The following GUCY1A2 variants were observed in gnomAD, a reference collection of about 807,000 sequenced individuals.
GUCY1A2 encodes guanylate cyclase 1 soluble subunit alpha 2.
GUCY1A2 carries 27 observed loss-of-function variants against 63.5 expected under a neutral mutation model. The ratio of observed to expected loss-of-function variants is 0.43; its 90% confidence interval spans 0.31 to 0.59. The LOEUF is 0.59. Ranked by LOEUF, GUCY1A2 falls within the 20% of genes least tolerant of loss-of-function variation. The pLI, the probability that GUCY1A2 is intolerant of heterozygous loss-of-function variation, is 0.11. For synonymous variants in GUCY1A2, 364 were observed against 343.5 expected (o/e 1.06, Z -0.66); for missense variants, 768 against 913.3 (o/e 0.84, Z 2.05).
Position 106,727,027 on chromosome 11 carries a change from AAG to A in GUCY1A2, c.1837-18363_1837-18362del, listed in dbSNP as rs577896604. On this transcript the variant is annotated intron_variant, in intron 6 of 7. Transcript: ENST00000526355. Reference sequence around the variant, plus strand: ...AAAACCGAGGACCTGAAGCCAAGTGAAGAGTGTGAAATTTTAGAGCCAACAGG... The same window carrying A: ...AAAACCGAGGACCTGAAGCCAAGTGAAGTGTGAAATTTTAGAGCCAACAGG... Among the ~76,000 whole-genome samples the A allele has an allele frequency of 5.9e-5, 9 of 152,326 alleles. No homozygotes were observed. The East Asian group carries it at 1.7e-3, about 29-fold the overall frequency.
intron 1 of GUCY1A2, among the ~76,000 whole-genome samples, chr11:107,014,795 A>G (rs918855153): frequency 1.2e-4 from 19 of 152,226 alleles, no homozygotes; most frequent in Non-Finnish European, 4.4e-5. Flanking sequence ...TGGCAAGTAC[A>G]GTTTCTCCTG....
chr11:106,841,512 G>A (rs1316829069), intron 4 of GUCY1A2, among the ~76,000 whole-genome samples: 2 of 151,784 alleles, frequency 1.3e-5, no homozygotes, highest in South Asian at 2.1e-4. Context: ...CTGAATGAAC[G>A]AAATAAAGCA....
intron 7 of GUCY1A2, among the ~76,000 whole-genome samples, chr11:106,688,594 T>C (rs981792639): frequency 3.4e-4 from 51 of 152,168 alleles, no homozygotes; most frequent in Admixed American, 2.8e-3. Flanking sequence ...CACAGTTTTG[T>C]CAACAGATAT....
intron 4 of GUCY1A2, among the ~76,000 whole-genome samples, chr11:106,903,907 T>C (rs566625285): frequency 1.7e-4 from 26 of 152,278 alleles, no homozygotes; most frequent in Admixed American, 1.3e-3. Context: ...GAACATTTTC[T>C]TAGAAGGTAA....
intron 4 of GUCY1A2, among the ~76,000 whole-genome samples, chr11:106,901,257 T>G (rs891260161): frequency 6.6e-6 from 1 of 152,162 alleles, no homozygotes; most frequent in Non-Finnish European, 1.5e-5. Flanking sequence ...ACTGTGAGAG[T>G]GCATCTATGT....
At chr11:106,704,148 G>GGTCT (rs1862865812) in intron 7 of GUCY1A2, among the ~76,000 whole-genome samples, 3 of 152,060 alleles carry the variant, frequency 2.0e-5, no homozygotes, top group Admixed American at 2.0e-4. Flanking sequence ...TTCCAGATGA[G>GGTCT]GTCTGTAATC....
intron 3 of GUCY1A2, among the ~76,000 whole-genome samples, chr11:106,958,116 A>T (rs1015663267): frequency 6.6e-6 from 1 of 152,158 alleles, no homozygotes; most frequent in Non-Finnish European, 1.5e-5. Context: ...TTCACAAGCA[A>T]TGCTAATACT....
At chr11:106,992,521 G>C (rs528700070) in intron 1 of GUCY1A2, among the ~76,000 whole-genome samples, 1 of 151,652 alleles carries the variant, frequency 6.6e-6, no homozygotes, top group Non-Finnish European at 1.5e-5. Flanking sequence ...TAGTACAGAC[G>C]GGGTTTCACC....
intron 4 of GUCY1A2, among the ~76,000 whole-genome samples, chr11:106,829,894 C>G (rs1859027184): frequency 6.6e-6 from 1 of 152,176 alleles, no homozygotes; most frequent in African/African-American, 2.4e-5. Flanking sequence ...CCAGATCCTT[C>G]AGGACTGAAG....
intron 6 of GUCY1A2, 93 bp downstream of exon 6, chr11:106,776,346 T>C: frequency 9.9e-7 from 1 of 1,008,776 alleles, no homozygotes; most frequent in Non-Finnish European, 1.5e-6. Context: ...TCTAGATCTA[T>C]AAATTACAAA....
intron 4 of GUCY1A2, among the ~76,000 whole-genome samples, chr11:106,932,566 A>G (rs1306258818): frequency 4.6e-5 from 7 of 152,324 alleles, no homozygotes; most frequent in Middle Eastern, 6.8e-3. Context: ...TACAGATTCA[A>G]TGCTATTCCT....
intron 4 of GUCY1A2, chr11:106,828,029 GC>G: frequency 1.6e-6 from 1 of 639,496 alleles, no homozygotes; most frequent in South Asian, 1.8e-5. Context: ...CGGGCCCTTT[GC>G]CCACTTTTAA....
In GUCY1A2 at chr11:106,677,050, C is replaced by T. The variant is rs972448361; in HGVS notation, c.*10499G>A. On this transcript the variant is annotated 3_prime_UTR_variant, in exon 8 of 8. Coordinates refer to ENST00000526355, the MANE Select transcript of GUCY1A2 (RefSeq NM_000855.3). ...GCATCTACGTGCTCATCTTCTTTCC[C>T]CTTTTCTCACAAATCCACAAAGTGT... 4.7e-6 allele frequency: 1 copy of T among 213,694 alleles called. No individual in the cohort carries two copies. Among genetic ancestry groups the T allele is most frequent in the African/African-American group, 2.3e-5 (1 of 44,228 alleles). The allele number at this position is 213,694 out of a possible 1,614,324, so 13.2% of individuals were successfully genotyped here. A position where few individuals can be genotyped will look rare whatever the true frequency, so the allele number is the denominator to read the frequency against.
At position 107,007,046 on chromosome 11, in the gene GUCY1A2, G is replaced by A. The variant is rs370865497; in HGVS notation, c.303+10707C>T. On this transcript the variant is annotated intron_variant, in intron 1 of 7. Transcript: ENST00000526355. ...ACTGCTACTCTAAAACCCGTAGACT[G>A]TCTTATATTCAAGGAGTGATGTATC... Among the ~76,000 whole-genome samples the A allele has an allele frequency of 4.6e-5, 7 of 152,174 alleles. No homozygotes were observed. In the East Asian group the frequency reaches 9.7e-4, roughly 21 times the overall value.
intron 5 of GUCY1A2, among the ~76,000 whole-genome samples, chr11:106,779,679 A>G (rs1273637765): frequency 6.6e-6 from 1 of 152,068 alleles, no homozygotes; most frequent in African/African-American, 2.4e-5. Context: ...ATTGAATTCC[A>G]TTAAATATGT....
In GUCY1A2 at chr11:107,009,223, G is replaced by T. The variant is rs538068917; in HGVS notation, c.303+8530C>A. 1.3e-4 allele frequency among the ~76,000 whole-genome samples: 20 copies of T among 152,208 alleles called. 1 individual carries two copies. The South Asian group carries it at 4.1e-3, about 32-fold the overall frequency. Reference sequence around the variant, plus strand: ...GTCATATTTTGGTAAGGTTTGAGAGGTGGCCCTATATATCTGATATCTGAA... The same window carrying T: ...GTCATATTTTGGTAAGGTTTGAGAGTTGGCCCTATATATCTGATATCTGAA... On this transcript the variant is annotated intron_variant, in intron 1 of 7. Transcript: ENST00000526355.
chr11:106,721,821 A>G (rs371033027), intron 6 of GUCY1A2, among the ~76,000 whole-genome samples: 1 of 152,346 alleles, frequency 6.6e-6, no homozygotes. Flanking sequence ...GTCCCAAGGA[A>G]TCCAATGGTG....
intron 5 of GUCY1A2, among the ~76,000 whole-genome samples, chr11:106,783,474 C>T (rs1239234240): frequency 6.6e-6 from 1 of 152,092 alleles, no homozygotes; most frequent in East Asian, 1.9e-4. Flanking sequence ...CCTGGCTTTC[C>T]CTCCACATGA....
intron 7 of GUCY1A2, among the ~76,000 whole-genome samples, chr11:106,703,100 G>A (rs1028681340): frequency 6.6e-6 from 1 of 152,064 alleles, no homozygotes; most frequent in Non-Finnish European, 1.5e-5. Flanking sequence ...TAGTCTTCTG[G>A]CCTACGTATT....
Sources: allele counts gnomAD v4.1 joint callset (sites outside exome capture counted in the v4.1 genomes callset), GRCh38; gene constraint gnomAD v4.1.1; transcripts MANE v1.5; gene names NCBI Gene and HGNC (gene_info 2026-07-23, HGNC 2026-07-21).